SHLD1: variants seen among roughly 807,000 people sequenced by gnomAD.
The protein encoded by SHLD1 is shieldin complex subunit 1, also known as RINN1-REV7-interacting novel NHEJ regulator 3.
In SHLD1, 3 loss-of-function variants were observed where a neutral mutation model predicts 5.5. The observed-to-expected ratio is 0.54, with a 90% CI of 0.25 to 1.40. The LOEUF (loss-of-function observed/expected upper bound fraction) is 1.40, where lower values mean the gene tolerates loss of function less well. Among genes scored for constraint, SHLD1 ranks in the 40% most tolerant of loss-of-function variants. The pLI, the probability that SHLD1 is intolerant of heterozygous loss-of-function variation, is 0.15. For synonymous variants in SHLD1, 92 were observed against 94.3 expected, an observed-to-expected ratio of 0.98 and a Z score of 0.14; for missense variants, 210 against 244.4, an observed-to-expected ratio of 0.86 and a Z score of 0.94.
chr20:5,783,157 G>A (rs917040442), intron 2 of SHLD1, among the ~76,000 whole-genome samples: 7 of 152,174 alleles, frequency 4.6e-5, no homozygotes, highest in Non-Finnish European at 1.0e-4. Context: ...GCTTTATTTG[G>A]AAGGTTTGGG....
intron 2 of SHLD1, among the ~76,000 whole-genome samples, chr20:5,775,579 T>G (rs898856659): frequency 6.6e-6 from 1 of 151,940 alleles, no homozygotes; most frequent in Non-Finnish European, 1.5e-5. Flanking sequence ...CCAAAAAGGT[T>G]GTTTGGGGAA....
At chr20:5,775,408 G>A (rs1985377244) in intron 2 of SHLD1, among the ~76,000 whole-genome samples, 1 of 152,220 alleles carries the variant, frequency 6.6e-6, no homozygotes, top group Admixed American at 6.5e-5. Context: ...TTCCCTTAGG[G>A]AATTCAGTGT....
intron 2 of SHLD1, among the ~76,000 whole-genome samples, chr20:5,792,363 T>C (rs1256644747): frequency 4.6e-5 from 7 of 152,156 alleles, no homozygotes; most frequent in African/African-American, 1.7e-4. Flanking sequence ...GAATTAATTT[T>C]TGTATATTGT....
At chr20:5,807,279 G>C (rs928610916) in intron 2 of SHLD1, among the ~76,000 whole-genome samples, 2 of 152,092 alleles carry the variant, frequency 1.3e-5, no homozygotes, top group Non-Finnish European at 2.9e-5. Context: ...AGTTTCATAA[G>C]TTACTATTTA....
At chr20:5,854,194 T>C (rs910588788) in intron 2 of SHLD1, among the ~76,000 whole-genome samples, 2 of 152,102 alleles carry the variant, frequency 1.3e-5, no homozygotes, top group Admixed American at 6.6e-5. Flanking sequence ...GTAGTACAGA[T>C]GGGGTTTCAC....
At chr20:5,834,963 A>G (rs1445574928) in intron 2 of SHLD1, among the ~76,000 whole-genome samples, 1 of 152,102 alleles carries the variant, frequency 6.6e-6, no homozygotes, top group Non-Finnish European at 1.5e-5. Context: ...ATCATCTCCC[A>G]ATGGCCCTAT....
chr20:5,827,822 A>C (rs369619214), intron 2 of SHLD1, among the ~76,000 whole-genome samples: 1 of 152,198 alleles, frequency 6.6e-6, no homozygotes, highest in African/African-American at 2.4e-5. Context: ...TGCGTACTTC[A>C]CTAGGGTGCA....
intron 2 of SHLD1, among the ~76,000 whole-genome samples, chr20:5,805,018 T>G (rs2087352497): frequency 6.6e-6 from 1 of 152,196 alleles, no homozygotes. Context: ...CCAAATGCCC[T>G]TTTTGTCTCC....
At chr20:5,764,935 A>T (rs1180071294) in intron 1 of SHLD1, among the ~76,000 whole-genome samples, 1 of 152,162 alleles carries the variant, frequency 6.6e-6, no homozygotes, top group Admixed American at 6.6e-5. Context: ...GTAGGTCTGT[A>T]AGAATCTGTA....
intron 2 of SHLD1, among the ~76,000 whole-genome samples, chr20:5,832,149 C>T (rs2087736059): frequency 6.6e-6 from 1 of 152,224 alleles, no homozygotes; most frequent in African/African-American, 2.4e-5. Context: ...CCATGTTGGC[C>T]AGGCTGGTCT....
At chr20:5,826,160 T>C (rs1876069239) in intron 2 of SHLD1, among the ~76,000 whole-genome samples, 1 of 152,252 alleles carries the variant, frequency 6.6e-6, no homozygotes, top group Non-Finnish European at 1.5e-5. Flanking sequence ...ATTTCTCTTT[T>C]GTTGGTCTGA....
intron 1 of SHLD1, among the ~76,000 whole-genome samples, chr20:5,760,086 T>A (rs1261773061): frequency 6.6e-6 from 1 of 152,160 alleles, no homozygotes; most frequent in Non-Finnish European, 1.5e-5. Flanking sequence ...AAGTGGCATT[T>A]CCAATGAACA....
At chr20:5,773,172 A>C in intron 2 of SHLD1, 129 bp downstream of exon 2, 2 of 1,067,760 alleles carry the variant, frequency 1.9e-6, no homozygotes, top group Non-Finnish European at 2.9e-6. Flanking sequence ...GCAGAAAAAC[A>C]TCTTACCTAA....
intron 2 of SHLD1, among the ~76,000 whole-genome samples, chr20:5,780,110 C>G (rs905909491): frequency 6.6e-6 from 1 of 150,830 alleles, no homozygotes; most frequent in African/African-American, 2.4e-5. Flanking sequence ...TCCCTAGTAG[C>G]TGGGATTACA....
chr20:5,779,110 G>A lies in SHLD1; in HGVS notation c.178+6067G>A, dbSNP rs367850758. 2.3e-3 allele frequency among the ~76,000 whole-genome samples: 353 copies of A among 151,938 alleles called. 4 individuals carry two copies. The highest frequency in any genetic ancestry group is 8.3e-3 in the African/African-American group (344 of 41,444). ...CCCAGCTACTGGGAGGCTGAGGCAT[G>A]AGAATCACTTGAACCTGGGAGGTGG... is the stretch of plus-strand genomic sequence containing the variant. On this transcript the variant is annotated intron_variant, in intron 2 of 2. Coordinates refer to ENST00000303142, the MANE Select transcript of SHLD1 (RefSeq NM_152504.4).
intron 1 of SHLD1, chr20:5,764,983 G>A (rs1984743099): frequency 1.3e-5 from 2 of 152,116 alleles, no homozygotes; most frequent in South Asian, 4.1e-4. Flanking sequence ...CTGGTAAACA[G>A]GTTTTTATGC....
chr20:5,779,007 A>G (rs904914520), intron 2 of SHLD1, among the ~76,000 whole-genome samples: 2 of 152,162 alleles, frequency 1.3e-5, no homozygotes, highest in Non-Finnish European at 2.9e-5. Context: ...ATTCAAGACC[A>G]GCCTGGACAA....
At chr20:5,845,818 G>A (rs1287803248) in intron 2 of SHLD1, among the ~76,000 whole-genome samples, 1 of 152,148 alleles carries the variant, frequency 6.6e-6, no homozygotes, top group African/African-American at 2.4e-5. Flanking sequence ...AGCTTCCAGA[G>A]GGAGTGAAGA....
intron 2 of SHLD1, among the ~76,000 whole-genome samples, chr20:5,810,537 A>G (rs2087444175): frequency 6.6e-6 from 1 of 152,084 alleles, no homozygotes; most frequent in Non-Finnish European, 1.5e-5. Flanking sequence ...TAAGTGGGAT[A>G]AGGATGAACA....
Sources: allele counts gnomAD v4.1 joint callset (sites outside exome capture counted in the v4.1 genomes callset), GRCh38; gene constraint gnomAD v4.1.1; transcripts MANE v1.5; gene names NCBI Gene and HGNC (gene_info 2026-07-23, HGNC 2026-07-21).